The following CDH13 variants were observed in gnomAD, a reference collection of about 807,000 sequenced individuals.
CDH13 encodes cadherin-13.
Under a neutral mutation model 63.8 loss-of-function variants are expected in CDH13, and 24 were observed. That is an observed-to-expected ratio of 0.38 (90% CI 0.27 to 0.53). CDH13 has a LOEUF of 0.53. CDH13 is among the 20% of genes least tolerant of loss of function. The pLI, the probability that CDH13 is intolerant of heterozygous loss-of-function variation, is 0.85. For missense variants in CDH13, 1,049 were observed against 903.1 expected (o/e 1.16, Z -2.07); for synonymous variants, 503 against 355.3 (o/e 1.42, Z -4.67).
intron 4 of CDH13, among the ~76,000 whole-genome samples, chr16:83,142,648 A>G (rs1228921536): frequency 6.6e-6 from 1 of 152,196 alleles, no homozygotes; most frequent in East Asian, 1.9e-4. Context: ...TCAATTGATT[A>G]TGCAGCAAAC....
At chr16:83,724,628 C>T (rs963362026) in intron 10 of CDH13, among the ~76,000 whole-genome samples, 1 of 152,162 alleles carries the variant, frequency 6.6e-6, no homozygotes, top group Non-Finnish European at 1.5e-5. Context: ...TTACTTGAAG[C>T]CCCCTGTGAC....
chr16:83,120,146 A>G (rs553750199), intron 3 of CDH13, among the ~76,000 whole-genome samples: 2 of 151,900 alleles, frequency 1.3e-5, no homozygotes, highest in East Asian at 3.9e-4. Context: ...TGTCCCTTCC[A>G]GGTACTGTTT....
At chr16:83,379,919 G>GTATA (rs747045728) in intron 6 of CDH13, among the ~76,000 whole-genome samples, 15,141 of 125,804 alleles carry the variant, frequency 0.12, 1,069 homozygotes, top group East Asian at 0.29. Flanking sequence ...ATGTGTGTGT[G>GTATA]TATATATATA....
At chr16:83,723,996 C>T (rs1393987024) in intron 10 of CDH13, among the ~76,000 whole-genome samples, 1 of 151,966 alleles carries the variant, frequency 6.6e-6, no homozygotes, top group Non-Finnish European at 1.5e-5. Flanking sequence ...ATGTGGAATG[C>T]ATGGATGGAT....
chr16:83,126,594 G>T (rs1466288183), intron 4 of CDH13, among the ~76,000 whole-genome samples: 1 of 152,164 alleles, frequency 6.6e-6, no homozygotes, highest in Non-Finnish European at 1.5e-5. Flanking sequence ...AATGGGAGAA[G>T]TTGTTTATAG....
At chr16:82,746,441 C>G (rs1597461626) in intron 1 of CDH13, among the ~76,000 whole-genome samples, 1 of 151,908 alleles carries the variant, frequency 6.6e-6, no homozygotes, top group Non-Finnish European at 1.5e-5. Context: ...GAAATAGATT[C>G]CAGAATTTCA....
chr16:83,403,905 C>T (rs1478259832), intron 6 of CDH13, among the ~76,000 whole-genome samples: 2 of 152,140 alleles, frequency 1.3e-5, no homozygotes, highest in Non-Finnish European at 2.9e-5. Flanking sequence ...TTGAAATGTT[C>T]GGGCATGACT....
At chr16:83,774,874 A>C (rs1915000475) in intron 11 of CDH13, among the ~76,000 whole-genome samples, 1 of 152,214 alleles carries the variant, frequency 6.6e-6, no homozygotes, top group Admixed American at 6.5e-5. Flanking sequence ...ATGTTCCCAC[A>C]ACAATTTGAA....
chr16:83,658,588 G>A (rs528518848), intron 8 of CDH13, among the ~76,000 whole-genome samples: 27 of 145,080 alleles, frequency 1.9e-4, no homozygotes, highest in African/African-American at 6.4e-4. Flanking sequence ...CACCAGCAAG[G>A]TCCCATATCC....
At chr16:82,964,923 G>A (rs1907589055) in intron 2 of CDH13, among the ~76,000 whole-genome samples, 1 of 152,126 alleles carries the variant, frequency 6.6e-6, no homozygotes, top group African/African-American at 2.4e-5. Flanking sequence ...TGGTTGGCAG[G>A]GGCCAGAAGT....
intron 10 of CDH13, among the ~76,000 whole-genome samples, chr16:83,703,019 C>A (rs2150910978): frequency 6.6e-6 from 1 of 152,346 alleles, no homozygotes; most frequent in East Asian, 1.9e-4. Flanking sequence ...CTGTCTGCCT[C>A]TGCTATGGAG....
chr16:83,664,554 GTATA>G (rs72075419), intron 8 of CDH13, among the ~76,000 whole-genome samples: 11 of 147,994 alleles, frequency 7.4e-5, no homozygotes, highest in African/African-American at 2.5e-4. Flanking sequence ...ATATATGTGT[GTATA>G]TATATATATA....
intron 3 of CDH13, among the ~76,000 whole-genome samples, chr16:83,081,806 CTTT>C (rs974803297): frequency 6.8e-6 from 1 of 146,858 alleles, no homozygotes. Flanking sequence ...ACCTAATTAC[CTTT>C]TTTTTTTTGA....
intron 11 of CDH13, among the ~76,000 whole-genome samples, chr16:83,765,439 C>T (rs2150991357): frequency 6.6e-6 from 1 of 152,214 alleles, no homozygotes; most frequent in South Asian, 2.1e-4. Flanking sequence ...ATAATTGCTT[C>T]AGTTCTACAT....
At chr16:83,232,567 A>AAAAAT (rs2040034565) in intron 5 of CDH13, among the ~76,000 whole-genome samples, 1 of 150,780 alleles carries the variant, frequency 6.6e-6, no homozygotes, top group South Asian at 2.1e-4. Flanking sequence ...AAAAAAAAAA[A>AAAAAT]GTGTGGCACC....
chr16:83,272,207 G>A (rs1359157620), intron 5 of CDH13, among the ~76,000 whole-genome samples: 1 of 152,182 alleles, frequency 6.6e-6, no homozygotes, highest in African/African-American at 2.4e-5. Flanking sequence ...TTCTAGTGAG[G>A]GAGATGGATG....
At chr16:82,850,919 C>T (rs1053861072) in intron 1 of CDH13, among the ~76,000 whole-genome samples, 1 of 152,176 alleles carries the variant, frequency 6.6e-6, no homozygotes, top group African/African-American at 2.4e-5. Context: ...TAATAGGCTA[C>T]ATTATAGTAT....
chr16:82,739,151 C>T (rs936831800), intron 1 of CDH13, among the ~76,000 whole-genome samples: 1 of 152,098 alleles, frequency 6.6e-6, no homozygotes, highest in African/African-American at 2.4e-5. Flanking sequence ...ACATTTTATT[C>T]TTTACAATAA....
intron 1 of CDH13, among the ~76,000 whole-genome samples, chr16:82,690,456 G>C (rs909382749): frequency 5.3e-5 from 8 of 152,150 alleles, no homozygotes; most frequent in African/African-American, 1.9e-4. Flanking sequence ...GGGCTGGTCT[G>C]TCTTTACACA....
Sources: gnomAD v4.1 joint callset for allele counts (sites outside exome capture counted in the v4.1 genomes callset) on GRCh38, gnomAD v4.1.1 for gene constraint, MANE v1.5 for transcripts, NCBI Gene and HGNC (gene_info 2026-07-23, HGNC 2026-07-21) for gene names.